Variants in RAPGEF5 observed in about 807,000 individuals in gnomAD.
The protein encoded by RAPGEF5 is Rap guanine nucleotide exchange factor 5.
Under a neutral mutation model 125.2 loss-of-function variants are expected in RAPGEF5, and 65 were observed. The observed-to-expected ratio is 0.52, with a 90% confidence interval of 0.43 to 0.64. The LOEUF is 0.64. Ranked by LOEUF, RAPGEF5 falls within the 30% of genes least tolerant of loss-of-function variation. The pLI is 0.00. For missense variants in RAPGEF5, 958 were observed against 1,048.1 expected (o/e 0.91, Z 1.19); for synonymous variants, 391 against 385.9 (o/e 1.01, Z -0.16).
At chr7:22,155,107 A>T (rs1323257079) in intron 16 of RAPGEF5, among the ~76,000 whole-genome samples, 1 of 152,176 alleles carries the variant, frequency 6.6e-6, no homozygotes, top group Admixed American at 6.5e-5. Flanking sequence ...GAATTCTCAT[A>T]AGCTTATCTA....
intron 9 of RAPGEF5, among the ~76,000 whole-genome samples, chr7:22,218,590 A>C (rs955054650): frequency 1.3e-5 from 2 of 152,188 alleles, no homozygotes; most frequent in African/African-American, 4.8e-5. Flanking sequence ...TTGCTCATCT[A>C]ATTAAAATGA....
intron 17 of RAPGEF5, 28 bp from the exon 18 acceptor site, chr7:22,150,532 G>T: frequency 4.8e-6 from 6 of 1,261,742 alleles, no homozygotes; most frequent in East Asian, 3.4e-5. Flanking sequence ...AAAAAAAAAA[G>T]GAATAATCAG....
intron 6 of RAPGEF5, among the ~76,000 whole-genome samples, chr7:22,278,942 T>G (rs1361006660): frequency 6.6e-6 from 1 of 152,092 alleles, no homozygotes; most frequent in Non-Finnish European, 1.5e-5. Context: ...CCGTAATTTT[T>G]GTGAAGATAA....
intron 1 of RAPGEF5, among the ~76,000 whole-genome samples, chr7:22,353,804 A>G (rs1784372591): frequency 6.6e-6 from 1 of 152,194 alleles, no homozygotes; most frequent in South Asian, 2.1e-4. Flanking sequence ...AAGTGACTGA[A>G]CTGAGGAACC....
chr7:22,137,828 CA>C (rs1003690711), intron 21 of RAPGEF5, among the ~76,000 whole-genome samples: 30 of 152,214 alleles, frequency 2.0e-4, no homozygotes, highest in African/African-American at 6.7e-4. Context: ...ACACTAACAA[CA>C]AAGTATAAGA....
chr7:22,142,931 T>C (rs1783311071), intron 20 of RAPGEF5, among the ~76,000 whole-genome samples: 1 of 152,256 alleles, frequency 6.6e-6, no homozygotes, highest in Non-Finnish European at 1.5e-5. Context: ...TCTGTTGGCA[T>C]TCTATTCCAT....
chr7:22,174,783 G>C (rs186052038), intron 11 of RAPGEF5, among the ~76,000 whole-genome samples: 2 of 152,310 alleles, frequency 1.3e-5, no homozygotes, highest in African/African-American at 4.8e-5. Context: ...TGCTTCATCA[G>C]GGAACTCAGA....
chr7:22,186,085 C>A (rs529097930), intron 11 of RAPGEF5, among the ~76,000 whole-genome samples: 2 of 152,212 alleles, frequency 1.3e-5, no homozygotes, highest in South Asian at 4.1e-4. Flanking sequence ...CTTGGCCTCC[C>A]AAAGTGCTTA....
chr7:22,272,045 A>G (rs1782439346), intron 6 of RAPGEF5, among the ~76,000 whole-genome samples: 1 of 151,962 alleles, frequency 6.6e-6, no homozygotes, highest in African/African-American at 2.4e-5. Context: ...GCTCAATTAG[A>G]AAGTCAAGGA....
chr7:22,170,453 G>A (rs990380057), intron 11 of RAPGEF5, among the ~76,000 whole-genome samples: 1 of 152,204 alleles, frequency 6.6e-6, no homozygotes, highest in Non-Finnish European at 1.5e-5. Flanking sequence ...CTGAGAGGGA[G>A]TTGGCATTTA....
chr7:22,144,601 G>A (rs557044371), intron 20 of RAPGEF5, among the ~76,000 whole-genome samples: 1 of 152,334 alleles, frequency 6.6e-6, no homozygotes, highest in South Asian at 2.1e-4. Context: ...GGGCCAGCCA[G>A]TGCAGGGCCT....
chr7:22,254,925 A>C (rs144578765), intron 7 of RAPGEF5, among the ~76,000 whole-genome samples: 239 of 151,978 alleles, frequency 1.6e-3, no homozygotes, highest in African/African-American at 5.6e-3. Context: ...GCTGCCACTC[A>C]CCTCCTACTG....
chr7:22,264,812 TA>T (rs1782242653), intron 7 of RAPGEF5, among the ~76,000 whole-genome samples: 1 of 152,218 alleles, frequency 6.6e-6, no homozygotes, highest in South Asian at 2.1e-4. Flanking sequence ...ACAACTTTTT[TA>T]TTACTTCTCT....
At chr7:22,153,051 G>A (rs771163011) in intron 17 of RAPGEF5, among the ~76,000 whole-genome samples, 16 of 152,100 alleles carry the variant, frequency 1.1e-4, no homozygotes, top group Non-Finnish European at 2.4e-4. Flanking sequence ...TGAAAGAGCC[G>A]CTCATTAATT....
chr7:22,151,402 T>C (rs1042674330), intron 17 of RAPGEF5, among the ~76,000 whole-genome samples: 4 of 151,816 alleles, frequency 2.6e-5, no homozygotes, highest in African/African-American at 7.3e-5. Flanking sequence ...AGAAAGACAA[T>C]ATATTTTCCT....
intron 6 of RAPGEF5, among the ~76,000 whole-genome samples, chr7:22,287,999 T>C (rs1035784058): frequency 4.6e-5 from 7 of 152,198 alleles, no homozygotes; most frequent in Admixed American, 3.9e-4. Context: ...CTCTCTGCCA[T>C]TTATTTTCGT....
At chr7:22,156,664 GA>G (rs1783817907) in intron 16 of RAPGEF5, 145 bp downstream of exon 16, 4 of 1,308,422 alleles carry the variant, frequency 3.1e-6, no homozygotes, top group East Asian at 5.0e-5. Flanking sequence ...ATAAAGAAAA[GA>G]AAAACCATGC....
intron 9 of RAPGEF5, among the ~76,000 whole-genome samples, chr7:22,207,124 T>C (rs1320934228): frequency 6.6e-6 from 1 of 152,178 alleles, no homozygotes; most frequent in Non-Finnish European, 1.5e-5. Flanking sequence ...TAACATAGTT[T>C]CTCCTACTCA....
chr7:22,161,587 C>T (rs909824737), intron 13 of RAPGEF5, among the ~76,000 whole-genome samples: 3 of 148,592 alleles, frequency 2.0e-5, no homozygotes, highest in African/African-American at 7.5e-5. Flanking sequence ...CACACAATTC[C>T]ACATAATCAT....
Sources: allele counts gnomAD v4.1 joint callset (sites outside exome capture counted in the v4.1 genomes callset), GRCh38; gene constraint gnomAD v4.1.1; transcripts MANE v1.5; gene names NCBI Gene and HGNC (gene_info 2026-07-23, HGNC 2026-07-21).